R3HDM1: variants seen among roughly 807,000 people sequenced by gnomAD.
The protein encoded by R3HDM1 is R3H domain-containing protein 1.
Under a neutral mutation model 141.1 loss-of-function variants are expected in R3HDM1, and 46 were observed. The ratio of observed to expected loss-of-function variants is 0.33; its 90% CI spans 0.26 to 0.42. The LOEUF is 0.42. R3HDM1 is among the 10% of genes least tolerant of loss of function. The probability of loss-of-function intolerance (pLI) is 1.00; values close to 1 mark genes in which losing one functional copy is unlikely to be tolerated. For synonymous variants in R3HDM1, 435 were observed against 472.9 expected, an observed-to-expected ratio of 0.92 and a Z score of 1.04; for missense variants, 1,184 against 1,368.3, an observed-to-expected ratio of 0.87 and a Z score of 2.12.
intron 1 of R3HDM1, among the ~76,000 whole-genome samples, chr2:135,582,359 C>T (rs1343632547): frequency 6.6e-6 from 1 of 152,024 alleles, no homozygotes; most frequent in African/African-American, 2.4e-5. Context: ...ATTATTTAGT[C>T]AATGGTTTTA....
At chr2:135,658,837 A>T (rs6712208) in intron 18 of R3HDM1, among the ~76,000 whole-genome samples, 10,467 of 151,780 alleles carry the variant, frequency 0.069, 714 homozygotes, top group African/African-American at 0.18. Flanking sequence ...AATTTTTTTT[A>T]ATTAAAAACT....
At chr2:135,710,299 G>C in intron 23 of R3HDM1, 68 bp downstream of exon 23, 1 of 1,477,622 alleles carries the variant, frequency 6.8e-7, no homozygotes, top group East Asian at 2.3e-5. Context: ...GACTTATAAG[G>C]CTTGAATTTG....
At chr2:135,569,481 TAAA>T (rs532028284) in intron 1 of R3HDM1, among the ~76,000 whole-genome samples, 4 of 143,024 alleles carry the variant, frequency 2.8e-5, no homozygotes, top group African/African-American at 1.0e-4. Context: ...AGACTCCATC[TAAA>T]AAAAAAAAAA....
intron 5 of R3HDM1, chr2:135,620,302 G>A (rs772571796): frequency 1.5e-5 from 14 of 918,018 alleles, no homozygotes; most frequent in Non-Finnish European, 1.8e-5. Flanking sequence ...AATAGTTCTG[G>A]GATTCATTTC....
Position 135,569,505 on chromosome 2 carries a change from C to T in R3HDM1, c.-249-32995C>T, listed in dbSNP as rs201988515. Among the ~76,000 whole-genome samples, 13 of 151,726 alleles carry T rather than the reference C, an allele frequency of 8.6e-5. No individual in the cohort carries two copies. The East Asian group carries it at 2.5e-3, about 29-fold the overall frequency. On this transcript the variant is annotated intron_variant, in intron 1 of 26. Transcript: ENST00000683871. ...CTAAAAAAAAAAAAATTCATAATCACAGAGAAATAGGTAGTATATCAAAGT... is the reference window on the plus strand; with the variant it reads ...CTAAAAAAAAAAAAATTCATAATCATAGAGAAATAGGTAGTATATCAAAGT...
chr2:135,675,937 G>T lies in R3HDM1; in HGVS notation c.2307+451G>T, dbSNP rs1047421639. On this transcript the variant is annotated intron_variant, in intron 20 of 26. Coordinates refer to ENST00000683871, the MANE Select transcript of R3HDM1 (RefSeq NM_001378107.1). ...TATAGACCATGAATCCGTAGTTGTA[G>T]AATAGGGAAGTATGTGCAGTTTCCT... Among the ~76,000 whole-genome samples the T allele has an allele frequency of 2.0e-5, 3 of 152,224 alleles. No homozygotes were observed. In the East Asian group the frequency reaches 5.8e-4, roughly 29 times the overall value.
chr2:135,549,884 T>C, intron 1 of R3HDM1: 3 of 776,400 alleles, frequency 3.9e-6, no homozygotes, highest in Non-Finnish European at 4.7e-6. Flanking sequence ...CAATTGTGTT[T>C]GATTTTCACC....
intron 1 of R3HDM1, among the ~76,000 whole-genome samples, chr2:135,573,865 A>G (rs16831831): frequency 0.093 from 14,177 of 152,242 alleles, 910 homozygotes; most frequent in South Asian, 0.31. Context: ...CTTGTAAAAC[A>G]TCCCAGTAAT....
intron 3 of R3HDM1, among the ~76,000 whole-genome samples, chr2:135,614,608 CA>C (rs2060850130): frequency 6.6e-6 from 1 of 152,178 alleles, no homozygotes; most frequent in South Asian, 2.1e-4. Context: ...AGCTTTTCTG[CA>C]TATGAATACA....
chr2:135,631,671 C>T (rs1253891288), intron 7 of R3HDM1, 47 bp from the exon 8 acceptor site: 1 of 1,454,440 alleles, frequency 6.9e-7, no homozygotes, highest in African/African-American at 1.5e-5. Flanking sequence ...TTTGTGATTA[C>T]TTCATTGCTA....
intron 1 of R3HDM1, among the ~76,000 whole-genome samples, chr2:135,557,578 A>C (rs1313356559): frequency 1.3e-5 from 2 of 152,202 alleles, no homozygotes; most frequent in Non-Finnish European, 2.9e-5. Context: ...GCCAGGAAAA[A>C]TTGGTTACTA....
At chr2:135,541,697 T>G (rs1445015580) in intron 1 of R3HDM1, among the ~76,000 whole-genome samples, 2 of 152,098 alleles carry the variant, frequency 1.3e-5, no homozygotes, top group African/African-American at 4.8e-5. Context: ...GATCACTGAT[T>G]GCAGATCACC....
chr2:135,537,657 T>TTTTAA (rs1325937393), intron 1 of R3HDM1, among the ~76,000 whole-genome samples: 1 of 146,924 alleles, frequency 6.8e-6, no homozygotes, highest in East Asian at 2.0e-4. Flanking sequence ...TTTTATTTTA[T>TTTTAA]TTTATTTTAT....
chr2:135,561,323 T>A, intron 1 of R3HDM1: 1 of 984,894 alleles, frequency 1.0e-6, no homozygotes, highest in Non-Finnish European at 1.2e-6. Flanking sequence ...ATAAGTTTTA[T>A]ATTTTGTGGC....
chr2:135,692,551 C>T (rs755833425), intron 21 of R3HDM1, among the ~76,000 whole-genome samples: 2 of 152,090 alleles, frequency 1.3e-5, no homozygotes, highest in Non-Finnish European at 2.9e-5. Context: ...AAGATCACGC[C>T]ATTGCACTCC....
intron 21 of R3HDM1, among the ~76,000 whole-genome samples, chr2:135,699,160 A>G (rs553798460): frequency 6.6e-6 from 1 of 152,242 alleles, no homozygotes; most frequent in South Asian, 2.1e-4. Flanking sequence ...GCCTAAATAT[A>G]TAGAAGACTT....
At chr2:135,621,825 G>A (rs563111941) in intron 6 of R3HDM1, 190 of 982,398 alleles carry the variant, frequency 1.9e-4, no homozygotes, top group Middle Eastern at 5.2e-4. Context: ...CATAACAGAC[G>A]TTGAGGACAT....
At chr2:135,713,097 G>A (rs1486839159) in intron 23 of R3HDM1, among the ~76,000 whole-genome samples, 1 of 152,016 alleles carries the variant, frequency 6.6e-6, no homozygotes, top group African/African-American at 2.4e-5. Flanking sequence ...AGTTACTTGG[G>A]AGGCTGAACC....
chr2:135,585,187 T>A (rs1707604444), intron 1 of R3HDM1, among the ~76,000 whole-genome samples: 1 of 152,172 alleles, frequency 6.6e-6, no homozygotes, highest in Non-Finnish European at 1.5e-5. Context: ...TTAGGAAGAT[T>A]TTGTGGATTT....
Sources: gnomAD v4.1 joint callset for allele counts (sites outside exome capture counted in the v4.1 genomes callset) on GRCh38, gnomAD v4.1.1 for gene constraint, MANE v1.5 for transcripts, NCBI Gene and HGNC (gene_info 2026-07-23, HGNC 2026-07-21) for gene names.